The following LARGE1 variants were observed in gnomAD, a reference collection of about 807,000 sequenced individuals.
The protein encoded by LARGE1 is xylosyl- and glucuronyltransferase LARGE1.
Under a neutral mutation model 87.6 loss-of-function variants are expected in LARGE1, and 43 were observed. The ratio of observed to expected loss-of-function variants is 0.49; its 90% confidence interval spans 0.38 to 0.63. The LOEUF (loss-of-function observed/expected upper bound fraction) is 0.63. Among genes scored for constraint, LARGE1 ranks in the 30% least tolerant of loss-of-function variants. The probability of loss-of-function intolerance (pLI) is 0.00; values close to 1 mark genes in which losing one functional copy is unlikely to be tolerated. For missense variants in LARGE1, 802 were observed against 1,000.2 expected (o/e 0.80, Z 2.67); for synonymous variants, 434 against 394.6 (o/e 1.10, Z -1.18).
At chr22:33,227,902 T>C (rs1925814796) in intron 11 of LARGE1, among the ~76,000 whole-genome samples, 2 of 152,238 alleles carry the variant, frequency 1.3e-5, no homozygotes, top group Admixed American at 6.5e-5. Context: ...TCATCCATCA[T>C]CTATTTGCTC....
chr22:33,803,718 C>G (rs2086230786), intron 1 of LARGE1, among the ~76,000 whole-genome samples: 1 of 152,220 alleles, frequency 6.6e-6, no homozygotes, highest in Non-Finnish European at 1.5e-5. Context: ...CTTAATTCCT[C>G]CAGCAATGAG....
At chr22:33,753,125 C>T (rs1202420610) in intron 2 of LARGE1, among the ~76,000 whole-genome samples, 1 of 152,112 alleles carries the variant, frequency 6.6e-6, no homozygotes, top group Non-Finnish European at 1.5e-5. Flanking sequence ...GAGGCTGAGG[C>T]AGGAGAATCA....
intron 5 of LARGE1, among the ~76,000 whole-genome samples, chr22:33,578,225 A>C (rs2078409027): frequency 1.3e-5 from 2 of 152,226 alleles, no homozygotes; most frequent in South Asian, 4.1e-4. Context: ...ATGAGAATGC[A>C]GAAGGGAAAA....
At chr22:33,644,260 C>T (rs536184708) in intron 3 of LARGE1, among the ~76,000 whole-genome samples, 32 of 152,242 alleles carry the variant, frequency 2.1e-4, no homozygotes, top group East Asian at 5.8e-4. Context: ...GTTCAACACA[C>T]GCAAATCAAT....
intron 1 of LARGE1, among the ~76,000 whole-genome samples, chr22:33,908,010 T>C (rs994150410): frequency 1.3e-5 from 2 of 152,180 alleles, no homozygotes; most frequent in Non-Finnish European, 2.9e-5. Flanking sequence ...ATGGCCATTC[T>C]GGTCATTGGT....
At chr22:33,669,843 T>C (rs753945152) in intron 2 of LARGE1, among the ~76,000 whole-genome samples, 26 of 152,240 alleles carry the variant, frequency 1.7e-4, no homozygotes, top group Non-Finnish European at 3.8e-4. Flanking sequence ...ATACCTACAA[T>C]TTCTCAACAG....
At chr22:33,921,226 T>C (rs1038335044), upstream of LARGE1, among the ~76,000 whole-genome samples, 1 of 152,050 alleles carries the variant, frequency 6.6e-6, no homozygotes, top group Non-Finnish European at 1.5e-5. The surrounding 1 kb of genome is among the most constrained non-coding windows in gnomAD (Gnocchi z 4.1). Context: ...TTCAGCTCGC[T>C]GGCTGGCAGG....
At chr22:33,424,680 C>T (rs369951545) in intron 7 of LARGE1, among the ~76,000 whole-genome samples, 1 of 151,704 alleles carries the variant, frequency 6.6e-6, no homozygotes, top group African/African-American at 2.4e-5. Context: ...AGAAAATGAG[C>T]CTAGGGTGGG....
downstream of LARGE1, among the ~76,000 whole-genome samples, chr22:33,159,522 A>G (rs1010889524): frequency 3.3e-5 from 5 of 152,112 alleles, no homozygotes; most frequent in Non-Finnish European, 7.4e-5. Context: ...ACAAATACTC[A>G]TTGATAGACT....
intron 1 of LARGE1, among the ~76,000 whole-genome samples, chr22:33,865,332 T>C (rs2064057976): frequency 6.6e-6 from 1 of 152,318 alleles, no homozygotes; most frequent in South Asian, 2.1e-4. Context: ...GACCTCGAAG[T>C]AGATTTTGTT....
chr22:33,379,755 G>T (rs1000932460), intron 9 of LARGE1, among the ~76,000 whole-genome samples: 4 of 152,102 alleles, frequency 2.6e-5, no homozygotes, highest in African/African-American at 9.7e-5. Context: ...TTGATCAGTG[G>T]GGAAGTTCTA....
At chr22:33,530,433 T>C (rs1254606815) in intron 6 of LARGE1, among the ~76,000 whole-genome samples, 3 of 150,054 alleles carry the variant, frequency 2.0e-5, no homozygotes, top group African/African-American at 2.4e-5. Flanking sequence ...GCAAACACCA[T>C]TGCCTATTGG....
rs191167892 is a variant in LARGE1 at position 33,755,019 on chromosome 22, C to T, written c.106+6352G>A. On this transcript the variant is annotated intron_variant, in intron 2 of 14. Coordinates refer to ENST00000397394, the MANE Select transcript of LARGE1 (RefSeq NM_133642.5). Reference sequence around the variant, plus strand: ...TCCCGCCTATTCCACCACACAAGTGCCCTGGGATTCCCCCATAATAATAAG... The same window carrying T: ...TCCCGCCTATTCCACCACACAAGTGTCCTGGGATTCCCCCATAATAATAAG... 2.4e-3 allele frequency among the ~76,000 whole-genome samples: 369 copies of T among 152,312 alleles called. 4 individuals are homozygous for T. The highest frequency in any genetic ancestry group is 3.7e-3 in the Non-Finnish European group (250 of 68,038).
At chr22:33,816,737 T>C (rs896148565) in intron 1 of LARGE1, among the ~76,000 whole-genome samples, 17 of 135,320 alleles carry the variant, frequency 1.3e-4, no homozygotes, top group African/African-American at 3.0e-4. Context: ...GACAGACAGA[T>C]ACAGAAAGAC....
chr22:33,091,897 C>T, the LARGE1 span, among the ~76,000 whole-genome samples: 3 of 151,964 alleles, frequency 2.0e-5, no homozygotes, highest in Admixed American at 6.6e-5. Flanking sequence ...CTTCGTTTTT[C>T]GTTTGTTTGT....
At chr22:33,599,860 C>T (rs914854513) in intron 5 of LARGE1, among the ~76,000 whole-genome samples, 2 of 152,190 alleles carry the variant, frequency 1.3e-5, no homozygotes, top group Non-Finnish European at 2.9e-5. Flanking sequence ...GTCCATTTCT[C>T]TCCTGTTCTT....
the LARGE1 span, among the ~76,000 whole-genome samples, chr22:33,096,566 G>T: frequency 2.0e-3 from 214 of 107,922 alleles, 1 homozygote; most frequent in South Asian, 8.8e-3. Context: ...TTTTGTTTTT[G>T]TTTTTTTTTT....
chr22:33,852,103 G>C (rs574873130), intron 1 of LARGE1, among the ~76,000 whole-genome samples: 18 of 152,342 alleles, frequency 1.2e-4, no homozygotes, highest in Non-Finnish European at 1.9e-4. Flanking sequence ...GCTCTAAGCA[G>C]ATAGCAGCAG....
At chr22:33,196,448 G>A (rs1453066677) in intron 11 of LARGE1, among the ~76,000 whole-genome samples, 1 of 152,030 alleles carries the variant, frequency 6.6e-6, no homozygotes, top group Non-Finnish European at 1.5e-5. Context: ...AACAATGCAA[G>A]ATGAAACAGA....
Sources: gnomAD v4.1 joint callset for allele counts (sites outside exome capture counted in the v4.1 genomes callset) on GRCh38, gnomAD v4.1.1 for gene constraint, Gnocchi (gnomAD v3.1) non-coding constraint, MANE v1.5 for transcripts, NCBI Gene and HGNC (gene_info 2026-07-23, HGNC 2026-07-21) for gene names.